The following IMPG1 variants were observed in gnomAD, a reference collection of about 807,000 sequenced individuals.
IMPG1 encodes the protein interphotoreceptor matrix proteoglycan 1, also known as interphotoreceptor matrix proteoglycan of 150 kDa.
In IMPG1, 85 loss-of-function variants were observed where a neutral mutation model predicts 92.0. That is an observed-to-expected ratio of 0.92 (90% CI 0.78 to 1.11). The LOEUF (loss-of-function observed/expected upper bound fraction) is 1.11, where lower values mean the gene tolerates loss of function less well. Ranked by LOEUF, IMPG1 falls within the 50% of genes least tolerant of loss-of-function variation. The probability of loss-of-function intolerance (pLI) is 0.00; values close to 1 mark genes in which losing one functional copy is unlikely to be tolerated. For synonymous variants in IMPG1, 367 were observed against 334.1 expected, an observed-to-expected ratio of 1.10 and a Z score of -1.08; for missense variants, 1,022 against 956.0, an observed-to-expected ratio of 1.07 and a Z score of -0.91.
rs978794564 is a variant in IMPG1, at chr6:76,071,476, A to G, written c.67+946T>C. Among the ~76,000 whole-genome samples the G allele has an allele frequency of 8.6e-5, 13 of 151,800 alleles. No individual in the cohort carries two copies. The South Asian group carries it at 1.0e-3, about 12-fold the overall frequency. ...TTGCTTCTTTCACTATTGTGAAAAC[A>G]TGAAGAAATCTTTTCCAGAAATTTT... On this transcript the variant is annotated intron_variant, in intron 1 of 16. Transcript: ENST00000369950.
At chr6:76,003,059 C>T in intron 11 of IMPG1, 63 bp from the exon 12 acceptor site, 1 of 1,171,044 alleles carries the variant, frequency 8.5e-7, no homozygotes, top group Middle Eastern at 1.9e-4. Flanking sequence ...ATGAGAAGGG[C>T]TATACCCATA....
chr6:76,003,754 G>T (rs558982018), intron 11 of IMPG1, 120 bp downstream of exon 11: 149 of 696,190 alleles, frequency 2.1e-4, no homozygotes, highest in Non-Finnish European at 3.4e-4. Context: ...AAACAGAAAA[G>T]AATTTAATTA....
chr6:76,022,047 CT>C (rs972469400), intron 6 of IMPG1, 68 bp downstream of exon 6: 13 of 825,414 alleles, frequency 1.6e-5, no homozygotes, highest in African/African-American at 1.2e-4. Context: ...TATCCATTCT[CT>C]TTTCCTGTTT....
chr6:75,991,238 A>C (rs937717027), intron 12 of IMPG1, among the ~76,000 whole-genome samples: 3 of 152,036 alleles, frequency 2.0e-5, no homozygotes, highest in Non-Finnish European at 4.4e-5. Flanking sequence ...AGAAATACAA[A>C]AATTTAGTTG....
intron 8 of IMPG1, among the ~76,000 whole-genome samples, chr6:76,008,468 CT>C (rs1783131724): frequency 6.6e-6 from 1 of 152,192 alleles, no homozygotes; most frequent in Admixed American, 6.5e-5. Context: ...ACTAATGTAA[CT>C]TTCATCCCCA....
Position 75,950,749 on chromosome 6 carries a change from A to C in IMPG1, c.1637T>G (p.Phe546Cys), listed in dbSNP as rs773420926. The C allele has an allele frequency of 1.9e-6, 3 of 1,613,862 alleles. No homozygotes were observed. In the East Asian group the frequency reaches 6.7e-5, roughly 36 times the overall value. The change falls in exon 13 of 17, where the codon TTC (phenylalanine) becomes TGC (cysteine). Residue 546 changes from phenylalanine (F) to cysteine (C), a missense_variant. By Grantham distance (205) the Phe-to-Cys change is radical (BLOSUM62 -2). This residue lies in a region of IMPG1 where 332 missense variants were observed against 346.2 expected (regional missense o/e 0.96). Transcript: ENST00000369950. Reference sequence around the variant, plus strand: ...TGAGACAGGAGTGGTATCCTCCAAGAAATGATCTGGGACAGAAACATATTC... The same window carrying C: ...TGAGACAGGAGTGGTATCCTCCAAGCAATGATCTGGGACAGAAACATATTC... ...LSEYVSVPDH[F>C]LEDTTPVSAL...
At chr6:76,046,387 T>C (rs1372079557) in intron 1 of IMPG1, among the ~76,000 whole-genome samples, 1 of 152,176 alleles carries the variant, frequency 6.6e-6, no homozygotes, top group East Asian at 1.9e-4. Context: ...TTGGAAATAG[T>C]CATATCATTG....
At chr6:75,988,840 C>G (rs1255006074) in intron 12 of IMPG1, among the ~76,000 whole-genome samples, 1 of 152,134 alleles carries the variant, frequency 6.6e-6, no homozygotes, top group Non-Finnish European at 1.5e-5. Context: ...GCCACTGTGT[C>G]CCCAGCATTG....
intron 1 of IMPG1, among the ~76,000 whole-genome samples, chr6:76,067,138 A>G (rs1470964149): frequency 1.3e-5 from 2 of 152,098 alleles, no homozygotes; most frequent in Admixed American, 6.6e-5. Context: ...GAACTAGAAA[A>G]ACAAAAACAA....
intron 4 of IMPG1, among the ~76,000 whole-genome samples, chr6:76,025,478 C>A (rs1407570791): frequency 6.6e-6 from 1 of 152,142 alleles, no homozygotes. Context: ...ATGTTTGACT[C>A]CAGTGTTTTC....
intron 6 of IMPG1, among the ~76,000 whole-genome samples, chr6:76,020,109 C>T (rs922066352): frequency 1.3e-5 from 2 of 152,078 alleles, no homozygotes; most frequent in Non-Finnish European, 2.9e-5. Flanking sequence ...GGCTGGAGTG[C>T]AATGGCGATC....
chr6:76,021,228 T>C (rs1163175626), intron 6 of IMPG1, among the ~76,000 whole-genome samples: 2 of 152,196 alleles, frequency 1.3e-5, no homozygotes, highest in Non-Finnish European at 2.9e-5. Flanking sequence ...AGAAAATGTT[T>C]AAATTTACCT....
chr6:75,950,266 A>T (rs1473896847), intron 13 of IMPG1, among the ~76,000 whole-genome samples: 1 of 152,172 alleles, frequency 6.6e-6, no homozygotes, highest in African/African-American at 2.4e-5. Flanking sequence ...CTTGAGTGTT[A>T]TGTATTATTC....
intron 14 of IMPG1, among the ~76,000 whole-genome samples, chr6:75,942,738 C>A (rs1208028960): frequency 2.0e-5 from 3 of 152,094 alleles, no homozygotes; most frequent in South Asian, 4.1e-4. Context: ...CACTGAAAAA[C>A]TAGGAGCAAA....
intron 15 of IMPG1, 76 bp from the exon 16 acceptor site, chr6:75,923,782 G>A: frequency 1.2e-6 from 1 of 809,872 alleles, no homozygotes; most frequent in Non-Finnish European, 2.0e-6. Context: ...TCTTTCTACT[G>A]TTTTAGTTTT....
chr6:75,992,926 C>A (rs1782837972), intron 12 of IMPG1, among the ~76,000 whole-genome samples: 1 of 152,120 alleles, frequency 6.6e-6, no homozygotes, highest in Admixed American at 6.5e-5. Context: ...CTCTTCTGAA[C>A]TAAAATAATT....
intron 12 of IMPG1, among the ~76,000 whole-genome samples, chr6:75,980,855 C>T (rs1461925683): frequency 3.9e-5 from 6 of 152,134 alleles, no homozygotes; most frequent in Non-Finnish European, 5.9e-5. Flanking sequence ...TGCATATATC[C>T]TATTAGTTCT....
intron 12 of IMPG1, among the ~76,000 whole-genome samples, chr6:75,990,432 T>C (rs775322946): frequency 2.0e-4 from 30 of 152,124 alleles, no homozygotes; most frequent in Non-Finnish European, 4.0e-4. Flanking sequence ...CCCTCTGAGA[T>C]TGATGGGACC....
At chr6:75,951,424 T>C (rs992823616) in intron 12 of IMPG1, among the ~76,000 whole-genome samples, 3 of 152,160 alleles carry the variant, frequency 2.0e-5, no homozygotes, top group African/African-American at 4.8e-5. Flanking sequence ...GGGAACCAAG[T>C]AGTACAAACT....
Sources: gnomAD v4.1 joint callset for allele counts (sites outside exome capture counted in the v4.1 genomes callset) on GRCh38, gnomAD v4.1.1 for gene constraint, gnomAD v4.1.1 regional missense constraint, MANE v1.5 for transcripts, NCBI Gene and HGNC (gene_info 2026-07-23, HGNC 2026-07-21) for gene names.